The following NAA11 variants were observed in gnomAD, a reference collection of about 807,000 sequenced individuals.
NAA11 encodes the protein N-alpha-acetyltransferase 11, NatA catalytic subunit, also known as N-alpha-acetyltransferase 11.
Under a neutral mutation model 16.1 loss-of-function variants are expected in NAA11, and 15 were observed. The observed-to-expected ratio is 0.93, with a 90% CI of 0.62 to 1.44. NAA11 has a LOEUF of 1.44. NAA11 is among the 40% of genes most tolerant of loss of function. The pLI, the probability that NAA11 is intolerant of heterozygous loss-of-function variation, is 0.00. For synonymous variants in NAA11, 122 were observed against 112.4 expected (o/e 1.09, Z -0.54); for missense variants, 298 against 291.3 (o/e 1.02, Z -0.17).
chr4:79,294,985 G>A lies in NAA11; in HGVS notation c.*13-871C>T, dbSNP rs552900257. 2.5e-3 allele frequency among the ~76,000 whole-genome samples: 377 copies of A among 152,276 alleles called. 1 individual carries two copies. Among genetic ancestry groups the A allele is most frequent in the African/African-American group, 8.3e-3 (345 of 41,556 alleles). ...TAGGTGTTTAATAAATATTTGCTGTGTGAATAAATTGCTTTCCATTACTGA... is the reference window on the plus strand; with the variant it reads ...TAGGTGTTTAATAAATATTTGCTGTATGAATAAATTGCTTTCCATTACTGA... On this transcript the variant is annotated intron_variant and NMD_transcript_variant, in intron 1 of 2. Coordinates refer to the NAA11 transcript ENST00000511542.
intron 2 of NAA11, among the ~76,000 whole-genome samples, chr4:79,265,782 G>C (rs1402026362): frequency 6.6e-6 from 1 of 151,636 alleles, no homozygotes; most frequent in Non-Finnish European, 1.5e-5. Flanking sequence ...GTTTTTTGGT[G>C]GTTTAAATTT....
intron 1 of NAA11, among the ~76,000 whole-genome samples, chr4:79,321,083 T>A (rs751998206): frequency 3.9e-5 from 6 of 152,166 alleles, no homozygotes; most frequent in Non-Finnish European, 7.3e-5. Context: ...CAGAATCCCA[T>A]AGTTTTCCAC....
intron 2 of NAA11, among the ~76,000 whole-genome samples, chr4:79,269,941 A>G (rs1180672156): frequency 3.3e-5 from 5 of 152,118 alleles, no homozygotes; most frequent in African/African-American, 1.2e-4. Context: ...TTTTCCCAGC[A>G]CCATAGTATT....
chr4:79,223,423 C>G, downstream of NAA11, among the ~76,000 whole-genome samples: 1 of 142,350 alleles, frequency 7.0e-6, no homozygotes, highest in East Asian at 2.1e-4. Context: ...CATATTCTCA[C>G]TCATAGGTGG....
intron 2 of NAA11, among the ~76,000 whole-genome samples, chr4:79,234,879 G>C (rs191657822): frequency 6.6e-6 from 1 of 152,034 alleles, no homozygotes; most frequent in African/African-American, 2.4e-5. Flanking sequence ...CTGAATTCTA[G>C]TAAGGCTAAA....
At chr4:79,244,513 T>C (rs1019026027) in intron 2 of NAA11, among the ~76,000 whole-genome samples, 19 of 152,136 alleles carry the variant, frequency 1.2e-4, no homozygotes, top group Non-Finnish European at 2.8e-4. Flanking sequence ...TCACTATGTT[T>C]CCAAGATAAA....
At chr4:79,216,673 T>TC in the NAA11 span, among the ~76,000 whole-genome samples, 12 of 152,242 alleles carry the variant, frequency 7.9e-5, no homozygotes, top group East Asian at 2.3e-3. Flanking sequence ...AAAAGAATAG[T>TC]CTATTATATT....
chr4:79,205,953 T>C, the NAA11 span, among the ~76,000 whole-genome samples: 4 of 70,372 alleles, frequency 5.7e-5, no homozygotes, highest in Admixed American at 6.0e-4. Flanking sequence ...TTCTCTATTC[T>C]GTTGCATTGG....
At chr4:79,246,126 G>A (rs1048231845) in intron 2 of NAA11, among the ~76,000 whole-genome samples, 6 of 152,064 alleles carry the variant, frequency 3.9e-5, no homozygotes, top group African/African-American at 1.4e-4. Flanking sequence ...GGGTTAAATG[G>A]ATTAAGGGCA....
the NAA11 span, among the ~76,000 whole-genome samples, chr4:79,167,233 G>A: frequency 5.0e-5 from 5 of 99,550 alleles, no homozygotes; most frequent in African/African-American, 1.6e-4. Flanking sequence ...ATATATGTAT[G>A]TATACACACA....
At chr4:79,209,052 C>T in the NAA11 span, among the ~76,000 whole-genome samples, 1 of 150,330 alleles carries the variant, frequency 6.7e-6, no homozygotes, top group Admixed American at 6.7e-5. Context: ...GGATTATGTA[C>T]TAAACTTACT....
chr4:79,245,855 C>T (rs979780447), intron 2 of NAA11, among the ~76,000 whole-genome samples: 5 of 152,118 alleles, frequency 3.3e-5, no homozygotes, highest in Non-Finnish European at 5.9e-5. Context: ...CCCCTCTGCC[C>T]GGCGGCCACC....
intron 2 of NAA11, among the ~76,000 whole-genome samples, chr4:79,253,064 T>C (rs1722030910): frequency 6.6e-6 from 1 of 152,114 alleles, no homozygotes. Context: ...GGAATATATT[T>C]TGAAGTTTAA....
At chr4:79,155,809 C>T in the NAA11 span, among the ~76,000 whole-genome samples, 6 of 152,194 alleles carry the variant, frequency 3.9e-5, no homozygotes, top group Non-Finnish European at 7.3e-5. Context: ...TCATTTTACC[C>T]ATGGACAAAG....
the NAA11 span, among the ~76,000 whole-genome samples, chr4:79,158,619 C>A: frequency 2.7e-5 from 4 of 150,408 alleles, no homozygotes; most frequent in Non-Finnish European, 5.9e-5. Flanking sequence ...TCCTAAAATT[C>A]ATATGGAACC....
At chr4:79,218,204 GTC>G in the NAA11 span, among the ~76,000 whole-genome samples, 1 of 152,064 alleles carries the variant, frequency 6.6e-6, no homozygotes, top group Non-Finnish European at 1.5e-5. Flanking sequence ...AGTATCATGT[GTC>G]CTCACTCAGC....
intron 2 of NAA11, among the ~76,000 whole-genome samples, chr4:79,236,025 A>G (rs1225660932): frequency 1.3e-5 from 2 of 152,132 alleles, no homozygotes; most frequent in South Asian, 2.1e-4. Flanking sequence ...TATTTCTAGA[A>G]ATAATAACAT....
chr4:79,188,850 C>T, the NAA11 span, among the ~76,000 whole-genome samples: 1 of 151,804 alleles, frequency 6.6e-6, no homozygotes, highest in Non-Finnish European at 1.5e-5. Context: ...TGAGCTCACC[C>T]AAGACAAAAT....
At chr4:79,287,846 CTT>C (rs1722981183) in intron 2 of NAA11, among the ~76,000 whole-genome samples, 1 of 152,118 alleles carries the variant, frequency 6.6e-6, no homozygotes, top group South Asian at 2.1e-4. Context: ...ATTTTTTTCT[CTT>C]TGCAGATTAT....
Sources: allele counts gnomAD v4.1 joint callset (sites outside exome capture counted in the v4.1 genomes callset), GRCh38; gene constraint gnomAD v4.1.1; transcripts MANE v1.5; gene names NCBI Gene and HGNC (gene_info 2026-07-23, HGNC 2026-07-21).